The following SLC36A4 variants were observed in gnomAD, a reference collection of about 807,000 sequenced individuals.
The protein encoded by SLC36A4 is solute carrier family 36 member 4.
Under a neutral mutation model 50.5 loss-of-function variants are expected in SLC36A4, and 49 were observed. The observed-to-expected ratio is 0.97, with a 90% CI of 0.77 to 1.23. The LOEUF (loss-of-function observed/expected upper bound fraction) is 1.23, where lower values mean the gene tolerates loss of function less well. Among genes scored for constraint, SLC36A4 ranks in the 50% most tolerant of loss-of-function variants. The probability of loss-of-function intolerance (pLI) is 0.00; values close to 1 mark genes in which losing one functional copy is unlikely to be tolerated. For synonymous variants in SLC36A4, 207 were observed against 206.5 expected (o/e 1.00, Z -0.02); for missense variants, 611 against 608.4 (o/e 1.00, Z -0.05).
intron 3 of SLC36A4, among the ~76,000 whole-genome samples, chr11:93,183,855 G>A (rs967246375): frequency 2.6e-5 from 4 of 151,816 alleles, no homozygotes; most frequent in Admixed American, 6.6e-5. Flanking sequence ...CCGCCACCAC[G>A]CCCGGCTAAT....
At chr11:93,197,436 A>T in intron 1 of SLC36A4, 4 of 420,728 alleles carry the variant, frequency 9.5e-6, no homozygotes, top group Non-Finnish European at 1.7e-5. Flanking sequence ...TAACTTCCTT[A>T]AAGCATCATT....
intron 6 of SLC36A4, among the ~76,000 whole-genome samples, 156 bp from the exon 7 acceptor site, chr11:93,168,327 C>T (rs927754975): frequency 6.6e-5 from 10 of 151,988 alleles, no homozygotes; most frequent in African/African-American, 2.4e-4. Context: ...TTTCAAGATA[C>T]TCTGGTTTCC....
intron 9 of SLC36A4, among the ~76,000 whole-genome samples, chr11:93,162,084 G>GT (rs5793632): frequency 0.24 from 36,210 of 151,974 alleles, 5,224 homozygotes; most frequent in East Asian, 0.32. Flanking sequence ...ATTAGGAAGC[G>GT]TGAGTGTTTG....
intron 1 of SLC36A4, among the ~76,000 whole-genome samples, chr11:93,186,675 A>C (rs1009048873): frequency 1.3e-5 from 2 of 152,210 alleles, no homozygotes; most frequent in African/African-American, 4.8e-5. Context: ...TTGACAATAC[A>C]TATGATGTTT....
At chr11:93,173,483 G>A (rs1215156809) in intron 6 of SLC36A4, among the ~76,000 whole-genome samples, 1 of 149,586 alleles carries the variant, frequency 6.7e-6, no homozygotes, top group East Asian at 2.0e-4. Flanking sequence ...GTCTTTTGTT[G>A]CCATTGCTTT....
intron 9 of SLC36A4, among the ~76,000 whole-genome samples, chr11:93,161,015 T>C (rs1159735195): frequency 1.3e-5 from 2 of 152,116 alleles, no homozygotes; most frequent in African/African-American, 2.4e-5. Flanking sequence ...AATTTTTAAA[T>C]TCTGTGTAGA....
At position 93,148,617 on chromosome 11, in the gene SLC36A4, T is replaced by C. The variant is rs112770452; in HGVS notation, c.1435A>G (p.Thr479Ala). The C allele has an allele frequency of 2.3e-5, 37 of 1,612,614 alleles. No individual in the cohort carries two copies. In the African/African-American group the frequency reaches 3.2e-4, roughly 14 times the overall value. ...YITVEEIIYPTPKVVAGTPQS... is the reference protein window; with the variant it reads ...YITVEEIIYPAPKVVAGTPQS... ...GGAGTGCCAGCTACAACTTTGGGAG[T>C]AGGATAAATAATTTCTTCAACAGTT... is the stretch of plus-strand genomic sequence containing the variant. The change falls in exon 11 of 11, where the codon ACT becomes GCT. Residue 479 changes from threonine (T) to alanine (A), a missense_variant. Physicochemically the swap from Thr to Ala is moderately conservative, Grantham distance 58 (BLOSUM62 0). Transcript: ENST00000326402.
At chr11:93,154,386 A>G (rs1282279853) in intron 9 of SLC36A4, 109 bp from the exon 10 acceptor site, 3 of 483,790 alleles carry the variant, frequency 6.2e-6, no homozygotes, top group Non-Finnish European at 1.0e-5. Context: ...AAATTAGGCC[A>G]GAACCTTACT....
intron 9 of SLC36A4, chr11:93,160,339 G>A (rs894893826): frequency 7.1e-6 from 7 of 985,238 alleles, no homozygotes; most frequent in Middle Eastern, 5.2e-4. Context: ...GATTTTTGTT[G>A]TTTCTTAGGA....
intron 1 of SLC36A4, among the ~76,000 whole-genome samples, chr11:93,192,685 A>C (rs951406042): frequency 3.9e-5 from 6 of 152,168 alleles, no homozygotes; most frequent in Non-Finnish European, 5.9e-5. Context: ...AAGTCTTTGA[A>C]ATGCAGCATG....
At chr11:93,164,622 T>C (rs1253670914) in intron 8 of SLC36A4, among the ~76,000 whole-genome samples, 2 of 152,178 alleles carry the variant, frequency 1.3e-5, no homozygotes, top group South Asian at 2.1e-4. Flanking sequence ...TTGGATGCTA[T>C]GGAGATAATC....
At chr11:93,174,568 G>C (rs1284982346) in intron 6 of SLC36A4, among the ~76,000 whole-genome samples, 1 of 148,926 alleles carries the variant, frequency 6.7e-6, no homozygotes. Context: ...CATTCAGTAT[G>C]ATGTTGGCTG....
At chr11:93,172,304 T>A (rs980218194) in intron 6 of SLC36A4, among the ~76,000 whole-genome samples, 1 of 152,106 alleles carries the variant, frequency 6.6e-6, no homozygotes, top group Non-Finnish European at 1.5e-5. Flanking sequence ...TTTAGTTACA[T>A]GAGTAAGTTC....
At chr11:93,151,885 C>T (rs1378908001) in intron 10 of SLC36A4, among the ~76,000 whole-genome samples, 3 of 151,876 alleles carry the variant, frequency 2.0e-5, no homozygotes, top group South Asian at 2.1e-4. Flanking sequence ...CAGGTTTACT[C>T]TTAAAAGGTA....
At chr11:93,169,755 T>G (rs1462675607) in intron 6 of SLC36A4, among the ~76,000 whole-genome samples, 1 of 152,120 alleles carries the variant, frequency 6.6e-6, no homozygotes, top group Non-Finnish European at 1.5e-5. Flanking sequence ...TTTTCTATAA[T>G]TTGAAATAAA....
intron 9 of SLC36A4, chr11:93,160,277 C>T: frequency 3.0e-6 from 3 of 985,424 alleles, no homozygotes; most frequent in Non-Finnish European, 2.4e-6. Context: ...TTAACCAATG[C>T]AAATTCTCTA....
At chr11:93,182,775 A>C in intron 4 of SLC36A4, 31 bp downstream of exon 4, 2 of 1,507,566 alleles carry the variant, frequency 1.3e-6, no homozygotes, top group South Asian at 1.2e-5. Context: ...GATAGCTTTA[A>C]AATAAATAGG....
intron 1 of SLC36A4, among the ~76,000 whole-genome samples, chr11:93,188,290 T>A (rs557770545): frequency 3.3e-5 from 5 of 152,318 alleles, no homozygotes; most frequent in African/African-American, 1.2e-4. Context: ...ATTAGCCCAG[T>A]GCCAACTGGA....
intron 8 of SLC36A4, among the ~76,000 whole-genome samples, chr11:93,164,122 G>T (rs1860755476): frequency 6.6e-6 from 1 of 152,142 alleles, no homozygotes; most frequent in Non-Finnish European, 1.5e-5. Flanking sequence ...AGATCTGGGT[G>T]TGTGCTTGTT....
Sources: allele counts gnomAD v4.1 joint callset (sites outside exome capture counted in the v4.1 genomes callset), GRCh38; gene constraint gnomAD v4.1.1; transcripts MANE v1.5; gene names NCBI Gene and HGNC (gene_info 2026-07-23, HGNC 2026-07-21).